Variants in SRP54 observed in about 807,000 individuals in gnomAD.
SRP54 encodes signal recognition particle subunit SRP54.
Under a neutral mutation model 64.8 loss-of-function variants are expected in SRP54, and 10 were observed. The ratio of observed to expected loss-of-function variants is 0.15; its 90% CI spans 0.10 to 0.26. The LOEUF (loss-of-function observed/expected upper bound fraction) is 0.26. SRP54 is among the 10% of genes least tolerant of loss of function. The pLI, the probability that SRP54 is intolerant of heterozygous loss-of-function variation, is 1.00. For missense variants in SRP54, 325 were observed against 613.7 expected (o/e 0.53, Z 4.97); for synonymous variants, 193 against 185.6 (o/e 1.04, Z -0.32).
At chr14:35,018,655 A>T in intron 11 of SRP54, 37 bp from the exon 12 acceptor site, 1 of 1,525,602 alleles carries the variant, frequency 6.6e-7, no homozygotes, top group Non-Finnish European at 9.0e-7. Flanking sequence ...AAATGTACAT[A>T]CTTTAATATA....
intron 4 of SRP54, among the ~76,000 whole-genome samples, chr14:35,001,681 C>T (rs2044175970): frequency 6.6e-6 from 1 of 152,174 alleles, no homozygotes; most frequent in Non-Finnish European, 1.5e-5. Context: ...TTCTTTTCTA[C>T]ACTGTTCGTT....
At chr14:34,986,963 C>T (rs868573068) in intron 1 of SRP54, among the ~76,000 whole-genome samples, 29 of 151,014 alleles carry the variant, frequency 1.9e-4, no homozygotes, top group African/African-American at 6.1e-4. Flanking sequence ...TGGCTGGGTG[C>T]GGTGGCTTAA....
At chr14:35,012,462 G>C (rs1440859734) in intron 8 of SRP54, among the ~76,000 whole-genome samples, 1 of 152,102 alleles carries the variant, frequency 6.6e-6, no homozygotes, top group Non-Finnish European at 1.5e-5. Context: ...TCTTTGGTTT[G>C]TGGTTAATGC....
At chr14:35,026,666 C>T (rs990318331) in intron 14 of SRP54, among the ~76,000 whole-genome samples, 3 of 152,182 alleles carry the variant, frequency 2.0e-5, no homozygotes, top group Non-Finnish European at 4.4e-5. Context: ...AACTTCTGGC[C>T]AGGCGCTGTG....
intron 11 of SRP54, among the ~76,000 whole-genome samples, chr14:35,016,501 C>G (rs535343163): frequency 6.6e-6 from 1 of 152,328 alleles, no homozygotes; most frequent in East Asian, 1.9e-4. Context: ...CTTCTTACCT[C>G]TGCCATCATC....
intron 13 of SRP54, among the ~76,000 whole-genome samples, chr14:35,022,455 C>G (rs1023521054): frequency 8.9e-4 from 136 of 152,082 alleles, no homozygotes; most frequent in African/African-American, 3.1e-3. Context: ...CTCCCAGGTT[C>G]AAGCGATTCT....
chr14:35,022,792 T>C, intron 13 of SRP54, 118 bp from the exon 14 acceptor site: 2 of 679,574 alleles, frequency 2.9e-6, no homozygotes, highest in Non-Finnish European at 4.4e-6. Flanking sequence ...AAAAATGAGA[T>C]AGTTATCACT....
In SRP54 at chr14:35,022,219, T is replaced by C. The variant is rs920647360; in HGVS notation, c.1157-691T>C. On this transcript the variant is annotated intron_variant, in intron 13 of 15. Transcript: ENST00000216774. ...TTGGAGGGCCTGGAGAGGGTAGACA[T>C]ATGAAGTATGGAAATGTTGGACATG... Among the ~76,000 whole-genome samples, 9 of 152,090 alleles carry C rather than the reference T, an allele frequency of 5.9e-5. No homozygotes were observed. The South Asian group carries it at 6.2e-4, about 11-fold the overall frequency.
At chr14:34,999,976 A>C (rs1052961141) in intron 3 of SRP54, 3 of 163,842 alleles carry the variant, frequency 1.8e-5, no homozygotes, top group Admixed American at 6.3e-5. Flanking sequence ...ATAGAAAAGT[A>C]CTGCCATTTT....
At chr14:34,996,004 G>T (rs1221323445) in intron 1 of SRP54, among the ~76,000 whole-genome samples, 2 of 150,354 alleles carry the variant, frequency 1.3e-5, no homozygotes, top group East Asian at 3.9e-4. Flanking sequence ...AGTTGAGGCT[G>T]CAGTCAGCTG....
At chr14:34,994,882 C>G (rs990953949) in intron 1 of SRP54, among the ~76,000 whole-genome samples, 1 of 151,562 alleles carries the variant, frequency 6.6e-6, no homozygotes, top group Non-Finnish European at 1.5e-5. Flanking sequence ...ATCCTCCCCT[C>G]ACCCTCCCGA....
chr14:34,992,088 A>G (rs981348745), intron 1 of SRP54, among the ~76,000 whole-genome samples: 5 of 152,084 alleles, frequency 3.3e-5, no homozygotes, highest in African/African-American at 1.2e-4. Flanking sequence ...ATCTGCCACC[A>G]AGCCTGGCTA....
rs749487051 is a variant in SRP54 at position 35,013,822 on chromosome 14, C to T, written c.806C>T (p.Pro269Leu). The T allele has an allele frequency of 1.1e-5, 17 of 1,609,534 alleles. No individual in the cohort carries two copies. Among genetic ancestry groups the T allele is most frequent in the Middle Eastern group, 1.6e-4 (1 of 6,070 alleles). The change falls in exon 10 of 16, where the codon CCG becomes CTG. Residue 269 changes from proline (P) to leucine (L), a missense_variant. Coordinates refer to ENST00000216774, the MANE Select transcript of SRP54 (RefSeq NM_003136.4). ...TCCAGAGTCGCTGCCACAAAAAGTCCGATTATTTTCATTGGTACAGGGGAA... is the reference window on the plus strand; with the variant it reads ...TCCAGAGTCGCTGCCACAAAAAGTCTGATTATTTTCATTGGTACAGGGGAA... ...ALSAVAATKS[P>L]IIFIGTGEHI...
chr14:35,002,037 T>TAA (rs1157506657), intron 4 of SRP54, among the ~76,000 whole-genome samples: 2 of 138,046 alleles, frequency 1.4e-5, no homozygotes, highest in African/African-American at 2.7e-5. Flanking sequence ...CCAGTCTCTA[T>TAA]AAAAAAAAAA....
At chr14:35,019,101 G>A in intron 13 of SRP54, 27 bp downstream of exon 13, 1 of 1,520,176 alleles carries the variant, frequency 6.6e-7, no homozygotes, top group Non-Finnish European at 9.1e-7. Flanking sequence ...TTTTCCTCAG[G>A]CAAAAATGTT....
intron 14 of SRP54, among the ~76,000 whole-genome samples, chr14:35,025,619 C>T (rs2044608936): frequency 6.6e-6 from 1 of 152,142 alleles, no homozygotes; most frequent in African/African-American, 2.4e-5. Context: ...CTATGTCACA[C>T]CAAACTTGAA....
chr14:34,998,882 C>T (rs1053613246), intron 2 of SRP54, among the ~76,000 whole-genome samples: 1 of 151,154 alleles, frequency 6.6e-6, no homozygotes, highest in Non-Finnish European at 1.5e-5. Context: ...GTGACAGGAG[C>T]TCTTCAATAA....
chr14:35,006,710 A>C, intron 4 of SRP54, among the ~76,000 whole-genome samples: 1 of 152,094 alleles, frequency 6.6e-6, no homozygotes, highest in East Asian at 1.9e-4. Flanking sequence ...ATTTGGTTTC[A>C]CATTTTATAC....
chr14:35,021,142 A>G (rs1417584369), intron 13 of SRP54, among the ~76,000 whole-genome samples: 1 of 152,198 alleles, frequency 6.6e-6, no homozygotes, highest in African/African-American at 2.4e-5. Context: ...TATCTTTGTT[A>G]GTATTGCATT....
Sources: allele counts gnomAD v4.1 joint callset (sites outside exome capture counted in the v4.1 genomes callset), GRCh38; gene constraint gnomAD v4.1.1; transcripts MANE v1.5; gene names NCBI Gene and HGNC (gene_info 2026-07-23, HGNC 2026-07-21).